Variants in DST observed in about 807,000 individuals in gnomAD.
DST encodes the protein dystonin.
A neutral mutation model predicts 875.2 loss-of-function variants in DST; 253 were observed. The ratio of observed to expected loss-of-function variants is 0.29; its 90% CI spans 0.26 to 0.32. DST has a LOEUF of 0.32. Ranked by LOEUF, DST falls within the 10% of genes least tolerant of loss-of-function variation. The pLI, the probability that DST is intolerant of heterozygous loss-of-function variation, is 1.00. For missense variants in DST, 8,287 were observed against 9,111.6 expected (o/e 0.91, Z 3.68); for synonymous variants, 3,124 against 3,197.1 (o/e 0.98, Z 0.77).
rs554421594 is a variant in DST, at chr6:56,933,082, G to A, written c.216+20703C>T. On this transcript the variant is annotated intron_variant, in intron 2 of 103. Transcript: ENST00000680361. The stretch of plus-strand genomic sequence containing the variant: ...GTAGACCTCAGATAGGAGGAACTGA[G>A]GACTGATCTCTGACCACTTCTCTTT... Among the ~76,000 whole-genome samples, 6 of 152,156 alleles carry A rather than the reference G, an allele frequency of 3.9e-5. 1 individual carries two copies. The South Asian group carries it at 1.2e-3, about 32-fold the overall frequency.
At chr6:56,930,767 A>G (rs1431492160) in intron 2 of DST, among the ~76,000 whole-genome samples, 1 of 152,236 alleles carries the variant, frequency 6.6e-6, no homozygotes, top group Non-Finnish European at 1.5e-5. Context: ...AGATATGAAA[A>G]AGCAATAAAA....
chr6:56,517,443 T>C (rs1306409858), intron 70 of DST, 58 bp downstream of exon 70: 33 of 1,600,398 alleles, frequency 2.1e-5, no homozygotes, highest in South Asian at 5.6e-5. Flanking sequence ...GCACATTTTA[T>C]AGAGTTGGAG....
chr6:56,619,709 C>G, intron 36 of DST: 2 of 1,614,042 alleles, frequency 1.2e-6, no homozygotes, highest in Non-Finnish European at 1.7e-6. Flanking sequence ...CAATTGCCTA[C>G]CAAGCTCTCT....
chr6:56,566,276 C>G (rs1003063373), intron 55 of DST, among the ~76,000 whole-genome samples: 1 of 152,232 alleles, frequency 6.6e-6, no homozygotes, highest in African/African-American at 2.4e-5. Context: ...AGCTTGGTGT[C>G]CGCCCAAATG....
chr6:56,596,994 C>A (rs573342357), intron 47 of DST, among the ~76,000 whole-genome samples: 15 of 152,230 alleles, frequency 9.9e-5, no homozygotes, highest in African/African-American at 3.6e-4. Flanking sequence ...TGTAATCTCA[C>A]CACTTTGGGA....
At chr6:56,705,869 A>G (rs2099330822) in intron 5 of DST, among the ~76,000 whole-genome samples, 1 of 152,242 alleles carries the variant, frequency 6.6e-6, no homozygotes, top group Non-Finnish European at 1.5e-5. Context: ...ATCTTTACAA[A>G]TTGACATTTT....
chr6:56,572,291 C>A, intron 52 of DST, 25 bp from the exon 53 acceptor site: 2 of 1,501,464 alleles, frequency 1.3e-6, no homozygotes, highest in South Asian at 2.6e-5. Context: ...GATATTCAGT[C>A]AATATAAATG....
rs769989434 is a variant in DST, at chr6:56,492,960, C to G, written c.20524G>C (p.Val6842Leu). ...TTGTGTTCGTCAATTTGAAATAAGA[C>G]TGTGTCCAAGATGAGACTTGGCCGA... ...ASRPSLILDT[V>L]LFQIDEHKVF... The change falls in exon 84 of 104, where the codon GTC becomes CTC. Residue 6842 changes from valine to leucine, a missense_variant. Physicochemically the swap from Val to Leu is conservative, Grantham distance 32 (BLOSUM62 1). Coordinates refer to ENST00000680361, the MANE Select transcript of DST (RefSeq NM_001374736.1). The G allele has an allele frequency of 6.8e-6, 11 of 1,609,604 alleles. No individual in the cohort carries two copies. Among genetic ancestry groups the G allele is most frequent in the Non-Finnish European group, 9.3e-6 (11 of 1,177,966 alleles).
intron 72 of DST, 70 bp from the exon 73 acceptor site, chr6:56,511,470 A>AAT: frequency 7.6e-7 from 1 of 1,322,844 alleles, no homozygotes; most frequent in Non-Finnish European, 1.0e-6. Context: ...CTACACCTGC[A>AAT]ATGCATCCAG....
In DST at chr6:56,634,448, T is replaced by C; in HGVS notation, c.3494+14A>G. 1 of 1,613,206 alleles carries C rather than the reference T, an allele frequency of 6.2e-7. No individual in the cohort carries two copies. The highest frequency in any genetic ancestry group is 8.5e-7 in the Non-Finnish European group (1 of 1,179,244). On this transcript the variant is annotated intron_variant, in intron 26 of 103. Transcript: ENST00000680361. ...CCAAAACTAGCTCAACATTTTTAGCTAATATATACAAACCTGTTGGCAAGG... is the reference window on the plus strand; with the variant it reads ...CCAAAACTAGCTCAACATTTTTAGCCAATATATACAAACCTGTTGGCAAGG...
Position 56,476,323 on chromosome 6 carries a change from T to C in DST, c.21690A>G (p.Ala7230=). 1 of 1,596,854 alleles carries C rather than the reference T, an allele frequency of 6.3e-7. No homozygotes were observed. Among genetic ancestry groups the C allele is most frequent in the Non-Finnish European group, 8.5e-7 (1 of 1,170,420 alleles). The change falls in exon 92 of 104, where the codon GCA becomes GCG. Residue 7230 remains alanine (A), a synonymous_variant. Coordinates refer to ENST00000680361, the MANE Select transcript of DST (RefSeq NM_001374736.1). ...RARFEEVLAW[A]KQHQQRLASA... Reference sequence around the variant, plus strand: ...TTGCTAATCTCTGCTGATGTTGCTTTGCCCAGGCCAGCACCTGTCAGAGAA... The same window carrying C: ...TTGCTAATCTCTGCTGATGTTGCTTCGCCCAGGCCAGCACCTGTCAGAGAA...
At chr6:56,674,620 T>C (rs1329525432) in intron 9 of DST, among the ~76,000 whole-genome samples, 1 of 152,102 alleles carries the variant, frequency 6.6e-6, no homozygotes, top group Non-Finnish European at 1.5e-5. Context: ...CTTTAAAACT[T>C]ACATAATAAC....
At chr6:56,629,108 AAG>A (rs2152755419) in intron 32 of DST, 140 bp downstream of exon 32, 1 of 790,986 alleles carries the variant, frequency 1.3e-6, no homozygotes, top group African/African-American at 1.7e-5. Flanking sequence ...CCAAGTAAGA[AAG>A]AAATATGGCT....
In DST at chr6:56,815,237, G is replaced by A. The variant is rs1360036207; in HGVS notation, c.625+36160C>T. Among the ~76,000 whole-genome samples the A allele has an allele frequency of 2.0e-5, 3 of 152,184 alleles. No individual in the cohort carries two copies. In the East Asian group the frequency reaches 5.8e-4, roughly 29 times the overall value. On this transcript the variant is annotated intron_variant, in intron 4 of 103. Coordinates refer to ENST00000680361, the MANE Select transcript of DST (RefSeq NM_001374736.1). ...AAAAGTAGGGAGGAGAATAGGGTAT[G>A]AATAGAAAATGGAGCTATAAATAAG...
At chr6:56,600,534 G>A (rs764022657) in intron 44 of DST, among the ~76,000 whole-genome samples, 2 of 151,956 alleles carry the variant, frequency 1.3e-5, no homozygotes, top group Admixed American at 6.6e-5. Flanking sequence ...TGAAACCTGC[G>A]ACACATAGAA....
At chr6:56,492,545 C>G in intron 84 of DST, 112 bp from the exon 85 acceptor site, 1 of 1,122,040 alleles carries the variant, frequency 8.9e-7, no homozygotes, top group Non-Finnish European at 1.3e-6. Flanking sequence ...CGAAAGCTTT[C>G]GAAATACCAA....
intron 9 of DST, among the ~76,000 whole-genome samples, chr6:56,698,349 A>G (rs34138864): frequency 0.26 from 39,148 of 150,976 alleles, 6,222 homozygotes; most frequent in African/African-American, 0.44. Flanking sequence ...TTTTTGAGAC[A>G]GAGTCTCGCT....
At chr6:56,789,627 G>A (rs2099711476) in intron 4 of DST, among the ~76,000 whole-genome samples, 1 of 152,050 alleles carries the variant, frequency 6.6e-6, no homozygotes, top group Admixed American at 6.6e-5. Context: ...CCAGCCCCTG[G>A]GAACTACCAC....
chr6:56,573,137 A>G (rs531576607), intron 51 of DST, 73 bp from the exon 52 acceptor site: 1 of 1,253,872 alleles, frequency 8.0e-7, no homozygotes, highest in Admixed American at 2.9e-5. Flanking sequence ...TTTTTAAATG[A>G]CTATTCCTAA....
Sources: gnomAD v4.1 joint callset for allele counts (sites outside exome capture counted in the v4.1 genomes callset) on GRCh38, gnomAD v4.1.1 for gene constraint, MANE v1.5 for transcripts, NCBI Gene and HGNC (gene_info 2026-07-23, HGNC 2026-07-21) for gene names.